Variants in MAP7 observed in about 807,000 individuals in gnomAD.
MAP7 encodes the protein microtubule associated protein 7.
In MAP7, 52 loss-of-function variants were observed where a neutral mutation model predicts 94.8. The observed-to-expected ratio is 0.55, with a 90% CI of 0.44 to 0.69. MAP7 has a LOEUF of 0.69. MAP7 is among the 30% of genes least tolerant of loss of function. The pLI is 0.00. For synonymous variants in MAP7, 350 were observed against 357.0 expected, an observed-to-expected ratio of 0.98 and a Z score of 0.22; for missense variants, 940 against 964.6, an observed-to-expected ratio of 0.97 and a Z score of 0.34.
intron 2 of MAP7, among the ~76,000 whole-genome samples, chr6:136,414,063 C>A (rs1418074307): frequency 6.6e-6 from 1 of 151,162 alleles, no homozygotes; most frequent in African/African-American, 2.4e-5. Context: ...TCCTGGCTAA[C>A]AAGGTGAAAC....
At chr6:136,495,636 T>C (rs912657479) in intron 1 of MAP7, among the ~76,000 whole-genome samples, 1 of 152,214 alleles carries the variant, frequency 6.6e-6, no homozygotes, top group Non-Finnish European at 1.5e-5. Flanking sequence ...TCAACCTGTA[T>C]AAGTTTTTTT....
intron 1 of MAP7, among the ~76,000 whole-genome samples, chr6:136,543,566 C>T (rs888050470): frequency 3.9e-5 from 6 of 152,134 alleles, no homozygotes; most frequent in African/African-American, 1.4e-4. Flanking sequence ...AGGAGAATCG[C>T]TTGAACCCAG....
At chr6:136,533,752 C>G (rs1245979722) in intron 1 of MAP7, among the ~76,000 whole-genome samples, 1 of 152,150 alleles carries the variant, frequency 6.6e-6, no homozygotes, top group Non-Finnish European at 1.5e-5. Flanking sequence ...TTTAAACAAC[C>G]AGCTCTCACA....
rs1554259587 is a variant in MAP7 at position 136,456,870 on chromosome 6, A to AGAAGAAGAAGAAGAAGAAGAAGAG, written c.68-35072_68-35071insCTCTTCTTCTTCTTCTTCTTCTTC. On this transcript the variant is annotated intron_variant, in intron 1 of 17. Transcript: ENST00000354570. The stretch of plus-strand genomic sequence containing the variant: ...AAGAGGAAGAAGAAGAAGAAGAAGA[A>AGAAGAAGAAGAAGAAGAAGAAGAG]GAAATACTTCAAATAAAAACAAAAC... Among the ~76,000 whole-genome samples, 226 of 140,884 alleles carry AGAAGAAGAAGAAGAAGAAGAAGAG rather than the reference A, an allele frequency of 1.6e-3. 2 individuals carry two copies. Among genetic ancestry groups the AGAAGAAGAAGAAGAAGAAGAAGAG allele is most frequent in the South Asian group, 0.011 (37 of 3,274 alleles). 92.4% of individuals were successfully genotyped at this position (140,884 alleles called of 152,430 possible).
At chr6:136,534,093 CTG>C (rs1828692317) in intron 1 of MAP7, among the ~76,000 whole-genome samples, 1 of 152,114 alleles carries the variant, frequency 6.6e-6, no homozygotes, top group East Asian at 1.9e-4. Flanking sequence ...TGGGTAAAAA[CTG>C]TTAATTTTCT....
chr6:136,443,813 G>A (rs1798565421), intron 1 of MAP7, among the ~76,000 whole-genome samples: 1 of 152,090 alleles, frequency 6.6e-6, no homozygotes, highest in African/African-American at 2.4e-5. Flanking sequence ...TATTGTTAAG[G>A]GGGCTAAAAC....
At chr6:136,490,046 C>T (rs1277101636) in intron 1 of MAP7, among the ~76,000 whole-genome samples, 1 of 152,144 alleles carries the variant, frequency 6.6e-6, no homozygotes, top group African/African-American at 2.4e-5. Flanking sequence ...AGTAAAAAAT[C>T]CTTCTATGTC....
At chr6:136,520,504 G>A (rs1826092937) in intron 1 of MAP7, among the ~76,000 whole-genome samples, 1 of 152,184 alleles carries the variant, frequency 6.6e-6, no homozygotes, top group Admixed American at 6.5e-5. Context: ...ATAAAGAGGA[G>A]TGAGTCCTGG....
chr6:136,438,625 G>A (rs999115727), intron 1 of MAP7, among the ~76,000 whole-genome samples: 1 of 152,148 alleles, frequency 6.6e-6, no homozygotes, highest in Non-Finnish European at 1.5e-5. Context: ...TCAGCCACGC[G>A]TGGGCAAGCA....
chr6:136,454,272 GATCTATCTATCTATCTATCT>G (rs57308742), intron 1 of MAP7, among the ~76,000 whole-genome samples: 1 of 141,350 alleles, frequency 7.1e-6, no homozygotes, highest in Admixed American at 7.0e-5. Context: ...CTACCTAAAT[GATCTATCTATCTATCTATCT>G]ATCTATCTAT....
intron 1 of MAP7, among the ~76,000 whole-genome samples, chr6:136,437,367 C>T (rs1381618302): frequency 2.6e-5 from 4 of 152,088 alleles, no homozygotes; most frequent in African/African-American, 9.7e-5. Flanking sequence ...CAAAGAGATG[C>T]CTAGAAGCCA....
chr6:136,405,680 T>G (rs1785368228), intron 3 of MAP7, among the ~76,000 whole-genome samples: 1 of 152,216 alleles, frequency 6.6e-6, no homozygotes, highest in Non-Finnish European at 1.5e-5. Context: ...GCTGCTGTGT[T>G]AACAGACTCT....
chr6:136,391,555 A>AAAACAACAACAAC (rs1554241525), intron 3 of MAP7, among the ~76,000 whole-genome samples: 45 of 149,750 alleles, frequency 3.0e-4, no homozygotes, highest in African/African-American at 1.0e-3. Flanking sequence ...GTATAATAAA[A>AAAACAACAACAAC]AACAACAACA....
At chr6:136,466,775 T>C (rs1409588328) in intron 1 of MAP7, 3 of 1,535,286 alleles carry the variant, frequency 2.0e-6, no homozygotes, top group African/African-American at 1.4e-5. Flanking sequence ...CAGTTTAGTG[T>C]CTTCCATGCT....
chr6:136,508,322 T>C (rs1462311983), intron 1 of MAP7, among the ~76,000 whole-genome samples: 2 of 151,100 alleles, frequency 1.3e-5, no homozygotes, highest in African/African-American at 4.9e-5. Context: ...TGAGACACTG[T>C]CTCAAAAAAA....
intron 1 of MAP7, among the ~76,000 whole-genome samples, chr6:136,530,390 G>A (rs560626014): frequency 5.3e-5 from 8 of 152,230 alleles, no homozygotes; most frequent in Admixed American, 2.6e-4. Context: ...CAAAACTACC[G>A]GACTTCAGCA....
At chr6:136,423,991 T>C (rs1228176717) in intron 1 of MAP7, among the ~76,000 whole-genome samples, 1 of 151,510 alleles carries the variant, frequency 6.6e-6, no homozygotes, top group African/African-American at 2.4e-5. Flanking sequence ...AGAGACGGGG[T>C]TTCTCCATAT....
chr6:136,387,137 G>A (rs1166134957), intron 5 of MAP7, among the ~76,000 whole-genome samples: 1 of 152,126 alleles, frequency 6.6e-6, no homozygotes, highest in East Asian at 1.9e-4. Context: ...TAATAAAGCA[G>A]TTATAAGAGA....
At chr6:136,482,496 G>A (rs1297415707) in intron 1 of MAP7, among the ~76,000 whole-genome samples, 3 of 152,060 alleles carry the variant, frequency 2.0e-5, no homozygotes, top group Non-Finnish European at 4.4e-5. Flanking sequence ...AGCCACTCGG[G>A]AGGCTGAGGC....
Sources: allele counts gnomAD v4.1 joint callset (sites outside exome capture counted in the v4.1 genomes callset), GRCh38; gene constraint gnomAD v4.1.1; transcripts MANE v1.5; gene names NCBI Gene and HGNC (gene_info 2026-07-23, HGNC 2026-07-21).